The following DENND2D variants were observed in gnomAD, a reference collection of about 807,000 sequenced individuals.
DENND2D encodes the protein DENN domain containing 2D.
Under a neutral mutation model 59.8 loss-of-function variants are expected in DENND2D, and 37 were observed. That is an observed-to-expected ratio of 0.62 (90% CI 0.48 to 0.81). DENND2D has a LOEUF of 0.81. Ranked by LOEUF, DENND2D falls within the 40% of genes least tolerant of loss-of-function variation. The probability of loss-of-function intolerance (pLI) is 0.00; values close to 1 mark genes in which losing one functional copy is unlikely to be tolerated. For synonymous variants in DENND2D, 219 were observed against 211.3 expected (o/e 1.04, Z -0.31); for missense variants, 525 against 579.7 (o/e 0.91, Z 0.97).
chr1:111,200,152 T>C (rs1459562096), intron 1 of DENND2D: 1 of 586,446 alleles, frequency 1.7e-6, no homozygotes, highest in African/African-American at 1.9e-5. Flanking sequence ...CCTGAGAGTT[T>C]AGTTCATACT....
At chr1:111,188,812 C>T (rs973573997) in intron 9 of DENND2D, 26 bp from the exon 10 acceptor site, 1 of 1,605,292 alleles carries the variant, frequency 6.2e-7, no homozygotes, top group East Asian at 2.2e-5. Flanking sequence ...GCTCCGAGGT[C>T]AAGCAGGAAG....
chr1:111,188,903 A>G, intron 9 of DENND2D, 117 bp from the exon 10 acceptor site: 1 of 873,112 alleles, frequency 1.1e-6, no homozygotes, highest in South Asian at 1.5e-5. Flanking sequence ...GCAAATAGCC[A>G]CATAGGACAG....
chr1:111,203,934 G>A (rs894072074), upstream of DENND2D, among the ~76,000 whole-genome samples: 14 of 152,080 alleles, frequency 9.2e-5, no homozygotes, highest in Non-Finnish European at 1.8e-4. Flanking sequence ...CGGGAGCTGA[G>A]GCAGTGCCTC....
chr1:111,197,145 A>G lies in DENND2D; in HGVS notation c.504+31T>C, dbSNP rs745592698. ...TTGGCAGCCAGAGACAGCCTGGAAT[A>G]TGGGCAGGCCCTGAGGAATCCTATC... On this transcript the variant is annotated intron_variant, in intron 5 of 11. Transcript: ENST00000357640. The G allele has an allele frequency of 2.5e-6, 4 of 1,569,104 alleles. No individual in the cohort carries two copies. The African/African-American group carries it at 5.2e-5, about 20-fold the overall frequency.
Position 111,186,300 on chromosome 1 carries a change from C to CG in DENND2D, c.*1304_*1305insC. The stretch of plus-strand genomic sequence containing the variant: ...TTTAGGCACCACTGCCATAAACTAC[C>CG]AAAAAAAAATGTAATTCCTAGAAGC... On this transcript the variant is annotated 3_prime_UTR_variant, in exon 12 of 12. Coordinates refer to ENST00000357640, the MANE Select transcript of DENND2D (RefSeq NM_024901.5). 6.6e-6 allele frequency among the ~76,000 whole-genome samples: 1 copy of CG among 151,130 alleles called. No homozygotes were observed. Among genetic ancestry groups the CG allele is most frequent in the South Asian group, 2.1e-4 (1 of 4,782 alleles).
chr1:111,198,635 A>C lies in DENND2D; in HGVS notation c.351T>G (p.Tyr117Ter). ...GCCCAGGGCTGAGCAATTACCTGGG[A>C]TACTCGGTGAGTGATGCCCACTCAT... ...DGNEWASLTE[Y>*]PRETFSFVLT... The change falls in exon 3 of 12, where the codon TAT becomes TAG. Residue 117 changes from tyrosine (Y) to a stop codon, truncating the protein, a stop_gained. Transcript: ENST00000357640. LOFTEE classifies it high-confidence loss of function. 6.2e-7 allele frequency: 1 copy of C among 1,614,062 alleles called. No individual in the cohort carries two copies. Among genetic ancestry groups the C allele is most frequent in the Non-Finnish European group, 8.5e-7 (1 of 1,179,980 alleles).
In DENND2D at chr1:111,188,348, A is replaced by G. The variant is rs1336352208; in HGVS notation, c.1122T>C (p.His374=). The change falls in exon 11 of 12, where the codon CAT becomes CAC. Residue 374 remains histidine, a synonymous_variant. Transcript: ENST00000357640. ...AGAACTGCACAAAGGGGCCTGAAACATGCTCGTTGATTTGTTCTGCAGCTG... is the reference window on the plus strand; with the variant it reads ...AGAACTGCACAAAGGGGCCTGAAACGTGCTCGTTGATTTGTTCTGCAGCTG... ...ELKTAEQINE[H]VSGPFVQFFV... The G allele has an allele frequency of 6.2e-7, 1 of 1,613,840 alleles. No homozygotes were observed.
At chr1:111,197,515 A>T (rs891815657) in intron 4 of DENND2D, 2 of 1,395,100 alleles carry the variant, frequency 1.4e-6, no homozygotes, top group Non-Finnish European at 1.9e-6. Flanking sequence ...TGCCTTAGAG[A>T]TGAAGAAATG....
intron 6 of DENND2D, chr1:111,195,636 A>G: frequency 2.8e-6 from 1 of 352,452 alleles, no homozygotes; most frequent in South Asian, 2.7e-5. Flanking sequence ...CTGAGGGAAA[A>G]GTCCTTTATA....
chr1:111,199,417 C>T (rs998758485), intron 2 of DENND2D, among the ~76,000 whole-genome samples: 3 of 152,196 alleles, frequency 2.0e-5, no homozygotes, highest in African/African-American at 7.2e-5. Context: ...CAGTCCCTCA[C>T]AAAGAAGTTA....
At position 111,199,797 on chromosome 1, in the gene DENND2D, T is replaced by C. The variant is rs753874619; in HGVS notation, c.69A>G (p.Gly23=). The change falls in exon 2 of 12, where the codon GGA becomes GGG. Residue 23 remains glycine, a splice_region_variant and synonymous_variant. Transcript: ENST00000357640. ...FQRRLLQLRA[G]PPQDNSGEAL... The stretch of plus-strand genomic sequence containing the variant: ...CTTCCCCTGAATTGTCCTGGGGTGG[T>C]CCTGAAATCAAGCCAGAGCCCATTT... 1 of 1,611,152 alleles carries C rather than the reference T, an allele frequency of 6.2e-7. No individual in the cohort carries two copies. Among genetic ancestry groups the C allele is most frequent in the Non-Finnish European group, 8.5e-7 (1 of 1,179,126 alleles).
intron 2 of DENND2D, 67 bp from the exon 3 acceptor site, chr1:111,198,809 G>C: frequency 6.5e-7 from 1 of 1,539,646 alleles, no homozygotes; most frequent in Non-Finnish European, 8.9e-7. Context: ...GACAGCTTCA[G>C]AGCTGGTGGG....
upstream of DENND2D, among the ~76,000 whole-genome samples, chr1:111,203,304 C>G (rs1025146745): frequency 6.6e-6 from 1 of 152,214 alleles, no homozygotes; most frequent in African/African-American, 2.4e-5. Flanking sequence ...TCCCTGAGGT[C>G]CCCCCAACTC....
rs1012841134 is a variant in DENND2D at position 111,200,509 on chromosome 1, G to C, written c.-50C>G. On this transcript the variant is annotated 5_prime_UTR_variant, in exon 1 of 12. Transcript: ENST00000357640. The stretch of plus-strand genomic sequence containing the variant: ...ACTCCCCTCTCCCCTAACACAGACA[G>C]ACTGGTGACAGTAAGCCTGAGAAAG... The C allele has an allele frequency of 1.1e-5, 17 of 1,570,348 alleles. No homozygotes were observed. The highest frequency in any genetic ancestry group is 1.4e-5 in the Non-Finnish European group (16 of 1,157,574).
chr1:111,191,102 G>C (rs10857859), intron 8 of DENND2D, among the ~76,000 whole-genome samples: 45,499 of 151,990 alleles, frequency 0.3, 6,841 homozygotes, highest in East Asian at 0.41. Flanking sequence ...TCTGGGGTTG[G>C]AACATTTAAA....
intron 2 of DENND2D, among the ~76,000 whole-genome samples, chr1:111,199,218 C>T (rs1658557151): frequency 6.6e-6 from 1 of 152,184 alleles, no homozygotes; most frequent in South Asian, 2.1e-4. Flanking sequence ...GCTGTGCCTG[C>T]CCACCAGTTA....
At chr1:111,189,353 C>T in intron 8 of DENND2D, 100 bp from the exon 9 acceptor site, 1 of 1,227,378 alleles carries the variant, frequency 8.1e-7, no homozygotes, top group Non-Finnish European at 1.2e-6. Flanking sequence ...TCTTTCAGCC[C>T]AGGTAGCAAC....
rs778650499 is a variant in DENND2D at position 111,188,121 on chromosome 1, G to C, written c.1339+10C>G. ...CTATGGGCTTAGACTGATGGGGACT[G>C]TTACTGTACCTGCAGGAGGATTCTT... On this transcript the variant is annotated intron_variant, in intron 11 of 11. Coordinates refer to ENST00000357640, the MANE Select transcript of DENND2D (RefSeq NM_024901.5). The C allele has an allele frequency of 6.2e-6, 10 of 1,614,130 alleles. No homozygotes were observed. Among genetic ancestry groups the C allele is most frequent in the Non-Finnish European group, 8.5e-6 (10 of 1,179,994 alleles).
chr1:111,199,468 G>A (rs1201624601), intron 2 of DENND2D, among the ~76,000 whole-genome samples, 155 bp downstream of exon 2: 2 of 152,198 alleles, frequency 1.3e-5, no homozygotes, highest in African/African-American at 4.8e-5. Context: ...CTGGGGCTGT[G>A]CTAAGAAGGA....
Sources: gnomAD v4.1 joint callset for allele counts (sites outside exome capture counted in the v4.1 genomes callset) on GRCh38, gnomAD v4.1.1 for gene constraint, MANE v1.5 for transcripts, NCBI Gene and HGNC (gene_info 2026-07-23, HGNC 2026-07-21) for gene names.